The following AGBL1 variants were observed in gnomAD, a reference collection of about 807,000 sequenced individuals.
The protein encoded by AGBL1 is AGBL carboxypeptidase 1.
A neutral mutation model predicts 118.9 loss-of-function variants in AGBL1; 130 were observed. The observed-to-expected ratio is 1.09, with a 90% CI of 0.95 to 1.26. The LOEUF (loss-of-function observed/expected upper bound fraction) is 1.26. Among genes scored for constraint, AGBL1 ranks in the 50% most tolerant of loss-of-function variants. The pLI is 0.00. For synonymous variants in AGBL1, 555 were observed against 478.9 expected (o/e 1.16, Z -2.08); for missense variants, 1,584 against 1,298.1 (o/e 1.22, Z -3.38).
intron 5 of AGBL1, among the ~76,000 whole-genome samples, chr15:86,182,154 A>G (rs1449101025): frequency 2.0e-5 from 3 of 152,092 alleles, no homozygotes; most frequent in Non-Finnish European, 2.9e-5. Context: ...TATTAATATA[A>G]GGTAACATTT....
chr15:86,605,438 C>T (rs1341270703), intron 21 of AGBL1, among the ~76,000 whole-genome samples: 1 of 152,130 alleles, frequency 6.6e-6, no homozygotes, highest in African/African-American at 2.4e-5. Flanking sequence ...ATCTGTGCAG[C>T]AGCTAAAAAC....
At chr15:86,811,952 C>G (rs1032794823) in intron 22 of AGBL1, among the ~76,000 whole-genome samples, 2 of 152,186 alleles carry the variant, frequency 1.3e-5, no homozygotes, top group Non-Finnish European at 2.9e-5. Context: ...TTCTTCAACT[C>G]TGAAAAGCAT....
intron 18 of AGBL1, among the ~76,000 whole-genome samples, chr15:86,517,659 T>C (rs1193976693): frequency 6.6e-6 from 1 of 152,126 alleles, no homozygotes. Context: ...CTTCCCTTGC[T>C]CTCTGGATTA....
chr15:86,817,746 T>C (rs942898846), intron 22 of AGBL1, among the ~76,000 whole-genome samples: 2 of 151,924 alleles, frequency 1.3e-5, no homozygotes, highest in Non-Finnish European at 2.9e-5. Context: ...GAAGCCCTGA[T>C]TCCCACTCTC....
At chr15:86,758,311 T>G (rs953427877) in intron 22 of AGBL1, among the ~76,000 whole-genome samples, 3 of 152,092 alleles carry the variant, frequency 2.0e-5, no homozygotes, top group African/African-American at 7.2e-5. Context: ...TCTTAACAGC[T>G]TTCTGGTTCA....
At chr15:87,013,385 T>C (rs567277423) in intron 24 of AGBL1, among the ~76,000 whole-genome samples, 18 of 152,312 alleles carry the variant, frequency 1.2e-4, no homozygotes, top group African/African-American at 4.1e-4. Flanking sequence ...TTTAAAGCTG[T>C]GTGCTCACTG....
intron 18 of AGBL1, among the ~76,000 whole-genome samples, chr15:86,522,604 A>T (rs2083203634): frequency 6.6e-6 from 1 of 152,218 alleles, no homozygotes; most frequent in Admixed American, 6.5e-5. Flanking sequence ...TTTCTAGTTC[A>T]TTTGGGGGTT....
intron 17 of AGBL1, among the ~76,000 whole-genome samples, chr15:86,343,645 C>A (rs1259008370): frequency 1.3e-5 from 2 of 152,264 alleles, no homozygotes; most frequent in Non-Finnish European, 2.9e-5. Flanking sequence ...GATAGATTTT[C>A]ATGGAAGAAC....
At chr15:86,324,827 A>G (rs1467533575) in intron 17 of AGBL1, among the ~76,000 whole-genome samples, 1 of 152,178 alleles carries the variant, frequency 6.6e-6, no homozygotes, top group African/African-American at 2.4e-5. Flanking sequence ...TGAGAAGGTG[A>G]GTGAAGTGGG....
rs117158247 is a variant in AGBL1 at position 86,602,309 on chromosome 15, C to T, written c.2994+47772C>T. Among the ~76,000 whole-genome samples, 30 of 152,196 alleles carry T rather than the reference C, an allele frequency of 2.0e-4. No individual in the cohort carries two copies. The East Asian group carries it at 3.3e-3, about 17-fold the overall frequency. ...TTCTGAGGATTAGATTTGATTATTA[C>T]GTGAAGTGCTCAGCACAACTTCTAG... On this transcript the variant is annotated intron_variant, in intron 21 of 22. Coordinates refer to ENST00000614907, the MANE Select transcript of AGBL1 (RefSeq NM_001386094.1).
intron 23 of AGBL1, among the ~76,000 whole-genome samples, chr15:86,940,339 G>C (rs1475012234): frequency 6.6e-6 from 1 of 152,026 alleles, no homozygotes; most frequent in Non-Finnish European, 1.5e-5. Context: ...TAGAGTTGCT[G>C]TTTCAGCTGA....
Position 86,266,414 on chromosome 15 carries a change from A to G in AGBL1, c.1708A>G (p.Ser570Gly). 2 of 1,580,438 alleles carry G rather than the reference A, an allele frequency of 1.3e-6. No homozygotes were observed. The highest frequency in any genetic ancestry group is 1.7e-6 in the Non-Finnish European group (2 of 1,161,378). ...FEDIRRLIQP[S>G]DVINKVVFSL... ...GGATATTCGGAGGCTCATCCAGCCAAGTGATGTTATAAATAAAGTTGTCTT... is the reference window on the plus strand; with the variant it reads ...GGATATTCGGAGGCTCATCCAGCCAGGTGATGTTATAAATAAAGTTGTCTT... Residue 570 changes from serine to glycine, a missense_variant, in exon 12 of 23, where the codon AGT (serine) becomes GGT (glycine). By Grantham distance (56) the Ser-to-Gly change is moderately conservative. Transcript: ENST00000614907.
In AGBL1 at chr15:86,661,234, C is replaced by T. The variant is rs545152503; in HGVS notation, c.2995-13039C>T. Among the ~76,000 whole-genome samples, 461 of 152,164 alleles carry T rather than the reference C, an allele frequency of 3.0e-3. 1 individual carries two copies. Among genetic ancestry groups the T allele is most frequent in the Non-Finnish European group, 4.5e-3 (309 of 67,972 alleles). ...TCATTGGGGATTGACATTTCTTATT[C>T]CCTTCAATGATCCTTTAAATGTCCA... On this transcript the variant is annotated intron_variant, in intron 21 of 22. Transcript: ENST00000614907.
At chr15:86,563,750 T>C (rs1418900383) in intron 21 of AGBL1, among the ~76,000 whole-genome samples, 3 of 152,164 alleles carry the variant, frequency 2.0e-5, no homozygotes, top group African/African-American at 7.2e-5. Context: ...CTCCCATAAT[T>C]ATTATGTGGG....
At chr15:86,159,648 G>T (rs945468991) in intron 5 of AGBL1, among the ~76,000 whole-genome samples, 7 of 152,010 alleles carry the variant, frequency 4.6e-5, no homozygotes, top group African/African-American at 1.7e-4. Context: ...AGACATGAAG[G>T]CTTTAGAGAT....
At chr15:87,000,891 T>C (rs1013568093) in intron 24 of AGBL1, among the ~76,000 whole-genome samples, 2 of 145,232 alleles carry the variant, frequency 1.4e-5, no homozygotes, top group Non-Finnish European at 3.0e-5. Context: ...GTTTGTATCC[T>C]CTTTTATTTC....
At chr15:86,401,238 G>A (rs185368112) in intron 18 of AGBL1, among the ~76,000 whole-genome samples, 1 of 152,082 alleles carries the variant, frequency 6.6e-6, no homozygotes, top group African/African-American at 2.4e-5. Flanking sequence ...TCATATGTTT[G>A]TTGGCTACTT....
At chr15:86,902,992 C>T (rs1215750965) in intron 22 of AGBL1, among the ~76,000 whole-genome samples, 1 of 151,958 alleles carries the variant, frequency 6.6e-6, no homozygotes, top group Non-Finnish European at 1.5e-5. Context: ...TCTTTGGATA[C>T]CTTCACAGCC....
At chr15:86,418,764 G>A (rs996944846) in intron 18 of AGBL1, among the ~76,000 whole-genome samples, 1 of 152,090 alleles carries the variant, frequency 6.6e-6, no homozygotes, top group Non-Finnish European at 1.5e-5. Flanking sequence ...TCTCATAATT[G>A]AGAACTTGCA....
Sources: allele counts gnomAD v4.1 joint callset (sites outside exome capture counted in the v4.1 genomes callset), GRCh38; gene constraint gnomAD v4.1.1; transcripts MANE v1.5; gene names NCBI Gene and HGNC (gene_info 2026-07-23, HGNC 2026-07-21).